Variants in SOST observed in about 807,000 individuals in gnomAD.
The protein encoded by SOST is sclerostin.
A neutral mutation model predicts 16.7 loss-of-function variants in SOST; 14 were observed. The observed-to-expected ratio is 0.84, with a 90% CI of 0.55 to 1.31. The LOEUF (loss-of-function observed/expected upper bound fraction) is 1.31, where lower values mean the gene tolerates loss of function less well. Ranked by LOEUF, SOST falls within the 50% of genes most tolerant of loss-of-function variation. SOST has a pLI of 0.00. For synonymous variants in SOST, 150 were observed against 140.9 expected (o/e 1.06, Z -0.46); for missense variants, 291 against 310.7 (o/e 0.94, Z 0.48).
At chr17:43,758,458 C>A (rs1468504260) in intron 1 of SOST, 64 bp downstream of exon 1, 4 of 1,340,692 alleles carry the variant, frequency 3.0e-6, no homozygotes, top group Middle Eastern at 1.8e-4. Context: ...CCAAGCCTCC[C>A]AAAGAGAAGT....
In SOST at chr17:43,755,399, C is replaced by G. The variant is rs1243408033; in HGVS notation, c.585G>C (p.Pro195=). ...EAARPQKGRK[P]RPRARSAKAN... ...CTTTGGCGCTCCGGGCGCGGGGCCGCGGCTTCCGGCCCTTCTGCGGCCGAG... is the reference window on the plus strand; with the variant it reads ...CTTTGGCGCTCCGGGCGCGGGGCCGGGGCTTCCGGCCCTTCTGCGGCCGAG... Residue 195 remains proline (P), a synonymous_variant, in exon 2 of 2, where the codon CCG becomes CCC. Transcript: ENST00000301691. This position sits in a 1 kb window ranked among gnomAD's most constrained non-coding sequence, Gnocchi z 4.3. 1 of 1,590,798 alleles carries G rather than the reference C, an allele frequency of 6.3e-7. No homozygotes were observed. The highest frequency in any genetic ancestry group is 1.7e-5 in the Admixed American group (1 of 59,552).
At chr17:43,758,498 A>C (rs1974155202) in intron 1 of SOST, 24 bp downstream of exon 1, 2 of 1,589,576 alleles carry the variant, frequency 1.3e-6, no homozygotes, top group Non-Finnish European at 1.7e-6. Context: ...TCTTTTACTA[A>C]GAATTCTCTC....
Position 43,755,819 on chromosome 17 carries a change from A to C in SOST, c.221-56T>G. The C allele has an allele frequency of 6.6e-7, 1 of 1,526,326 alleles. No individual in the cohort carries two copies. The highest frequency in any genetic ancestry group is 8.8e-7 in the Non-Finnish European group (1 of 1,141,602). 94.5% of individuals were successfully genotyped at this position (1,526,326 alleles called of 1,614,324 possible). On this transcript the variant is annotated intron_variant, in intron 1 of 1. Coordinates refer to ENST00000301691, the MANE Select transcript of SOST (RefSeq NM_025237.3). The surrounding 1 kb of genome is among the most constrained non-coding windows in gnomAD (Gnocchi z 4.3). The stretch of plus-strand genomic sequence containing the variant: ...GCCCGCCTGGCCACCCCTGCCCTGG[A>C]CCGGCCCGTCTCTCTCCACCCCAGC...
intron 1 of SOST, among the ~76,000 whole-genome samples, chr17:43,757,798 C>T (rs932033129): frequency 1.3e-5 from 2 of 152,160 alleles, no homozygotes; most frequent in Non-Finnish European, 2.9e-5. Flanking sequence ...GGGGCTAAAA[C>T]TGTGCCGAAA....
chr17:43,756,543 C>T (rs1974132246), intron 1 of SOST, among the ~76,000 whole-genome samples: 1 of 152,204 alleles, frequency 6.6e-6, no homozygotes, highest in African/African-American at 2.4e-5. Flanking sequence ...CCTGGGGTCC[C>T]AGCACCTTTT....
chr17:43,757,630 G>A (rs1002080063), intron 1 of SOST, among the ~76,000 whole-genome samples: 1 of 152,118 alleles, frequency 6.6e-6, no homozygotes, highest in African/African-American at 2.4e-5. Flanking sequence ...GCTTCTCTGT[G>A]CAGGCCTGAC....
rs893453480 is a variant in SOST, at chr17:43,755,051, C to A, written c.*291G>T. The A allele has an allele frequency of 2.5e-4, 108 of 424,590 alleles. No homozygotes were observed. Among genetic ancestry groups the A allele is most frequent in the Middle Eastern group, 6.0e-4 (1 of 1,674 alleles). The allele number at this position is 424,590 out of a possible 1,614,324, so 26.3% of individuals were successfully genotyped here. Reference sequence around the variant, plus strand: ...GTGAAAATGCTTCCATTTCTGCCTCCTCTGAAGTGGGACCAGCAAAGGTAG... The same window carrying A: ...GTGAAAATGCTTCCATTTCTGCCTCATCTGAAGTGGGACCAGCAAAGGTAG... On this transcript the variant is annotated 3_prime_UTR_variant, in exon 2 of 2. Transcript: ENST00000301691. The surrounding 1 kb of genome is among the most constrained non-coding windows in gnomAD (Gnocchi z 4.3).
At position 43,755,134 on chromosome 17, in the gene SOST, T is replaced by C. The variant is rs1007334459; in HGVS notation, c.*208A>G. ...GTCTGTGACTCTCAATTCCCTCCCC[T>C]GCCCCGTGGGACCCCTCAGCTGGCG... On this transcript the variant is annotated 3_prime_UTR_variant, in exon 2 of 2. Transcript: ENST00000301691. This position sits in a 1 kb window ranked among gnomAD's most constrained non-coding sequence, Gnocchi z 4.3. 1.5e-5 allele frequency: 8 copies of C among 534,076 alleles called. No homozygotes were observed. The highest frequency in any genetic ancestry group is 1.3e-5 in the Non-Finnish European group (4 of 311,816). The allele number at this position is 534,076 out of a possible 1,614,324, so 33.1% of individuals were successfully genotyped here.
chr17:43,756,295 T>C (rs1019614177), intron 1 of SOST, among the ~76,000 whole-genome samples: 5 of 151,946 alleles, frequency 3.3e-5, no homozygotes, highest in African/African-American at 1.2e-4. Context: ...TTCCAGCCAC[T>C]TGGGAGGGGT....
rs1454574803 is a variant in SOST at position 43,754,110 on chromosome 17, C to T, written c.*1232G>A. 1.3e-5 allele frequency: 2 copies of T among 152,200 alleles called. No individual in the cohort carries two copies. Among genetic ancestry groups the T allele is most frequent in the African/African-American group, 4.8e-5 (2 of 41,434 alleles). 9.4% of individuals were successfully genotyped at this position (152,200 alleles called of 1,614,324 possible). Reference sequence around the variant, plus strand: ...CTGCAGTTTCTCAGCATATGTACAGCACTTGTAGTTTTTCCCCCAATAATA... The same window carrying T: ...CTGCAGTTTCTCAGCATATGTACAGTACTTGTAGTTTTTCCCCCAATAATA... On this transcript the variant is annotated 3_prime_UTR_variant, in exon 2 of 2. Coordinates refer to ENST00000301691, the MANE Select transcript of SOST (RefSeq NM_025237.3).
rs1292566589 is a variant in SOST at position 43,755,063 on chromosome 17, A to C, written c.*279T>G. 1 of 441,240 alleles carries C rather than the reference A, an allele frequency of 2.3e-6. No homozygotes were observed. The highest frequency in any genetic ancestry group is 2.1e-5 in the African/African-American group (1 of 48,074). 27.3% of individuals were successfully genotyped at this position (441,240 alleles called of 1,614,324 possible). A position where few individuals can be genotyped will look rare whatever the true frequency, so the allele number is the denominator to read the frequency against. On this transcript the variant is annotated 3_prime_UTR_variant, in exon 2 of 2. Coordinates refer to ENST00000301691, the MANE Select transcript of SOST (RefSeq NM_025237.3). This position sits in a 1 kb window ranked among gnomAD's most constrained non-coding sequence, Gnocchi z 4.3. Reference sequence around the variant, plus strand: ...CCATTTCTGCCTCCTCTGAAGTGGGACCAGCAAAGGTAGGCGGCCCCAGAG... The same window carrying C: ...CCATTTCTGCCTCCTCTGAAGTGGGCCCAGCAAAGGTAGGCGGCCCCAGAG...
At position 43,755,505 on chromosome 17, in the gene SOST, C is replaced by A. The variant is rs199579218; in HGVS notation, c.479G>T (p.Arg160Leu). 20 of 1,596,492 alleles carry A rather than the reference C, an allele frequency of 1.3e-5. No individual in the cohort carries two copies. The highest frequency in any genetic ancestry group is 1.7e-6 in the Non-Finnish European group (2 of 1,178,116). ...GGEAPRARKV[R>L]LVASCKCKRL... ...CTTGCACTTGCACGAGGCCACCAGG[C>A]GCACCTTGCGCGCGCGCGGCGCCTC... Residue 160 changes from arginine to leucine, a missense_variant, in exon 2 of 2, where the codon CGC becomes CTC. Physicochemically the swap from Arg to Leu is moderately radical, Grantham distance 102 (BLOSUM62 -2). Transcript: ENST00000301691. This position sits in a 1 kb window ranked among gnomAD's most constrained non-coding sequence, Gnocchi z 4.3.
rs1441494673 is a variant in SOST, at chr17:43,755,395, G to A, written c.589C>T (p.Pro197Ser). ...ARPQKGRKPRPRARSAKANQA... is the reference protein window; with the variant it reads ...ARPQKGRKPRSRARSAKANQA... ...TTGGCTTTGGCGCTCCGGGCGCGGG[G>A]CCGCGGCTTCCGGCCCTTCTGCGGC... The change falls in exon 2 of 2, where the codon CCC (proline) becomes TCC (serine). Residue 197 changes from proline to serine, a missense_variant. Coordinates refer to ENST00000301691, the MANE Select transcript of SOST (RefSeq NM_025237.3). This position sits in a 1 kb window ranked among gnomAD's most constrained non-coding sequence, Gnocchi z 4.3. 1.9e-6 allele frequency: 3 copies of A among 1,590,050 alleles called. No homozygotes were observed. The highest frequency in any genetic ancestry group is 1.7e-6 in the Non-Finnish European group (2 of 1,176,600).
Position 43,755,550 on chromosome 17 carries a change from T to A in SOST, c.434A>T (p.Gln145Leu). Reference protein sequence around the residue: ...IPDRYRAQRVQLLCPGGEAPR... With the variant: ...IPDRYRAQRVLLLCPGGEAPR... ...CGCCTCACCACCGGGACACAGCAGCTGCACGCGCTGCGCGCGGTAGCGGTC... is the reference window on the plus strand; with the variant it reads ...CGCCTCACCACCGGGACACAGCAGCAGCACGCGCTGCGCGCGGTAGCGGTC... Residue 145 changes from glutamine (Q) to leucine (L), a missense_variant, in exon 2 of 2, where the codon CAG becomes CTG. Physicochemically the swap from Gln to Leu is moderately radical, Grantham distance 113. Transcript: ENST00000301691. The surrounding 1 kb of genome is among the most constrained non-coding windows in gnomAD (Gnocchi z 4.3). 1 of 1,595,064 alleles carries A rather than the reference T, an allele frequency of 6.3e-7. No homozygotes were observed. The highest frequency in any genetic ancestry group is 8.5e-7 in the Non-Finnish European group (1 of 1,176,558).
chr17:43,755,649 G>A lies in SOST; in HGVS notation c.335C>T (p.Ala112Val), dbSNP rs762778690. Residue 112 changes from alanine (A) to valine (V), a missense_variant, in exon 2 of 2, where the codon GCG becomes GTG. Coordinates refer to ENST00000301691, the MANE Select transcript of SOST (RefSeq NM_025237.3). The surrounding 1 kb of genome is among the most constrained non-coding windows in gnomAD (Gnocchi z 4.3). Reference sequence around the variant, plus strand: ...GCCGATGGCGTTGGGCAGCAGGCGCGCCGGGCCGCACTGGCCGGAGCACAC... The same window carrying A: ...GCCGATGGCGTTGGGCAGCAGGCGCACCGGGCCGCACTGGCCGGAGCACAC... ...ELVCSGQCGP[A>V]RLLPNAIGRG... 3 of 1,569,530 alleles carry A rather than the reference G, an allele frequency of 1.9e-6. No homozygotes were observed. Among genetic ancestry groups the A allele is most frequent in the Non-Finnish European group, 1.7e-6 (2 of 1,165,152 alleles).
Position 43,755,756 on chromosome 17 carries a change from G to C in SOST, c.228C>G (p.Ser76=), listed in dbSNP as rs1048843366. The change falls in exon 2 of 2, where the codon TCC becomes TCG. Residue 76 remains serine, a synonymous_variant. Transcript: ENST00000301691. The surrounding 1 kb of genome is among the most constrained non-coding windows in gnomAD (Gnocchi z 4.3). ...PHHPFETKDV[S]EYSCRELHFT... ...AGTGCAGCTCGCGGCAGCTGTACTC[G>C]GACACGTCTGTGGAGAGAGGCGCGC... 108 of 1,579,978 alleles carry C rather than the reference G, an allele frequency of 6.8e-5. No homozygotes were observed. The highest frequency in any genetic ancestry group is 7.9e-5 in the Non-Finnish European group (93 of 1,172,018).
chr17:43,757,357 G>C (rs532021059), intron 1 of SOST, among the ~76,000 whole-genome samples: 2 of 152,282 alleles, frequency 1.3e-5, no homozygotes, highest in South Asian at 2.1e-4. Context: ...GGGGAGCTGT[G>C]GGGGGAGGCG....
Position 43,755,576 on chromosome 17 carries a change from G to A in SOST, c.408C>T (p.Pro136=). The A allele has an allele frequency of 1.3e-6, 2 of 1,593,858 alleles. No homozygotes were observed. Among genetic ancestry groups the A allele is most frequent in the Non-Finnish European group, 1.7e-6 (2 of 1,175,902 alleles). ...GCACGCGCTGCGCGCGGTAGCGGTC[G>A]GGGATGCAGCGGAAGTCGGGCCCAC... ...RPSGPDFRCI[P]DRYRAQRVQL... Residue 136 remains proline (P), a synonymous_variant, in exon 2 of 2, where the codon CCC becomes CCT. Coordinates refer to ENST00000301691, the MANE Select transcript of SOST (RefSeq NM_025237.3). This position sits in a 1 kb window ranked among gnomAD's most constrained non-coding sequence, Gnocchi z 4.3.
chr17:43,758,738 G>T lies in SOST; in HGVS notation c.4C>A (p.Gln2Lys). M[Q>K]LPLALCLVCL... ...ACGAGACACAGGGCCAGTGGGAGCT[G>T]CATGGTACCAGCCAGAGGAGGGCAC... Residue 2 changes from glutamine to lysine, a missense_variant, in exon 1 of 2, where the codon CAG (glutamine) becomes AAG (lysine). Transcript: ENST00000301691. 1 of 1,612,520 alleles carries T rather than the reference G, an allele frequency of 6.2e-7. No individual in the cohort carries two copies. The highest frequency in any genetic ancestry group is 1.1e-5 in the South Asian group (1 of 91,038).
Sources: gnomAD v4.1 joint callset for allele counts (sites outside exome capture counted in the v4.1 genomes callset) on GRCh38, gnomAD v4.1.1 for gene constraint, Gnocchi (gnomAD v3.1) non-coding constraint, MANE v1.5 for transcripts, NCBI Gene and HGNC (gene_info 2026-07-23, HGNC 2026-07-21) for gene names.